The following GLIPR2 variants were observed in gnomAD, a reference collection of about 807,000 sequenced individuals.
GLIPR2 encodes the protein Golgi-associated plant pathogenesis-related protein 1.
In GLIPR2, 21 loss-of-function variants were observed where a neutral mutation model predicts 20.4. The observed-to-expected ratio is 1.03, with a 90% CI of 0.73 to 1.48. The LOEUF (loss-of-function observed/expected upper bound fraction) is 1.48, where lower values mean the gene tolerates loss of function less well. GLIPR2 is among the 40% of genes most tolerant of loss of function. GLIPR2 has a pLI of 0.00. For synonymous variants in GLIPR2, 91 were observed against 80.5 expected (o/e 1.13, Z -0.70); for missense variants, 205 against 200.1 (o/e 1.02, Z -0.15).
At chr9:36,141,879 G>A (rs1825103687) in intron 1 of GLIPR2, 1 of 455,288 alleles carries the variant, frequency 2.2e-6, no homozygotes, top group East Asian at 7.0e-5. Context: ...TAGAGGCCTG[G>A]CCTCCAGAAG....
At chr9:36,160,593 AG>A (rs1250345821) in intron 4 of GLIPR2, among the ~76,000 whole-genome samples, 1 of 152,176 alleles carries the variant, frequency 6.6e-6, no homozygotes, top group African/African-American at 2.4e-5. Context: ...AAAATGTGCA[AG>A]GGTTCTGAGG....
intron 4 of GLIPR2, among the ~76,000 whole-genome samples, chr9:36,154,108 C>G (rs2094455): frequency 0.25 from 36,406 of 144,432 alleles, 5,353 homozygotes; most frequent in East Asian, 0.49. Flanking sequence ...TTTTCCCCCC[C>G]CCTTTGAGAC....
At chr9:36,150,842 G>A (rs777864341) in intron 3 of GLIPR2, 30 bp from the exon 4 acceptor site, 3 of 1,553,872 alleles carry the variant, frequency 1.9e-6, no homozygotes, top group South Asian at 2.2e-5. Flanking sequence ...TTTTGTGGCT[G>A]AGTTTTAGAA....
intron 4 of GLIPR2, among the ~76,000 whole-genome samples, chr9:36,159,673 A>T (rs1825976970): frequency 6.6e-6 from 1 of 152,150 alleles, no homozygotes; most frequent in Non-Finnish European, 1.5e-5. Context: ...GGTAAATAAA[A>T]GGGTGTTTAC....
intron 4 of GLIPR2, among the ~76,000 whole-genome samples, chr9:36,159,522 G>A (rs1413211784): frequency 6.6e-6 from 1 of 152,130 alleles, no homozygotes; most frequent in Non-Finnish European, 1.5e-5. Context: ...AACAAACTTG[G>A]CCTCTGCCCA....
intron 1 of GLIPR2, chr9:36,144,376 G>T (rs1306729638): frequency 6.6e-6 from 1 of 152,146 alleles, no homozygotes; most frequent in Non-Finnish European, 1.5e-5. Flanking sequence ...ACATTGCTAT[G>T]CAACAGAGCT....
At chr9:36,154,262 G>A (rs919407743) in intron 4 of GLIPR2, among the ~76,000 whole-genome samples, 7 of 151,984 alleles carry the variant, frequency 4.6e-5, no homozygotes, top group East Asian at 1.9e-4. Flanking sequence ...GAGAGCTATC[G>A]AAGGTGAAAA....
chr9:36,157,421 A>C (rs2132779956), intron 4 of GLIPR2, among the ~76,000 whole-genome samples: 1 of 150,502 alleles, frequency 6.6e-6, no homozygotes, highest in African/African-American at 2.4e-5. Context: ...GTCTTGGCTC[A>C]CTGCAACCTC....
chr9:36,145,606 G>A (rs1480187793), intron 1 of GLIPR2, among the ~76,000 whole-genome samples: 1 of 152,212 alleles, frequency 6.6e-6, no homozygotes, highest in Non-Finnish European at 1.5e-5. Flanking sequence ...CTGGATGGAT[G>A]AGTAATGTTA....
chr9:36,160,415 C>A (rs564536731), intron 4 of GLIPR2, among the ~76,000 whole-genome samples: 1 of 152,144 alleles, frequency 6.6e-6, no homozygotes, highest in South Asian at 2.1e-4. Flanking sequence ...GTCTCCTGAG[C>A]CCTGGAGGTG....
intron 4 of GLIPR2, among the ~76,000 whole-genome samples, chr9:36,151,956 A>G (rs138397232): frequency 2.4e-4 from 36 of 152,206 alleles, no homozygotes; most frequent in African/African-American, 7.9e-4. Flanking sequence ...TTCCACCCAC[A>G]AGTAGAGCCT....
intron 1 of GLIPR2, among the ~76,000 whole-genome samples, chr9:36,138,957 G>T (rs757448416): frequency 1.3e-5 from 2 of 152,142 alleles, no homozygotes; most frequent in African/African-American, 2.4e-5. Flanking sequence ...AGCGTAACTA[G>T]AGCGTTGCCA....
At chr9:36,140,716 A>G (rs1194949732) in intron 1 of GLIPR2, among the ~76,000 whole-genome samples, 2 of 152,132 alleles carry the variant, frequency 1.3e-5, no homozygotes, top group Non-Finnish European at 2.9e-5. Flanking sequence ...CGTAAAGTGG[A>G]AAGTGTGGGA....
At chr9:36,147,934 G>A in intron 2 of GLIPR2, 40 bp downstream of exon 2, 1 of 915,224 alleles carries the variant, frequency 1.1e-6, no homozygotes, top group Non-Finnish European at 1.8e-6. Flanking sequence ...GGCCCTTCAT[G>A]TGCTGCTACT....
intron 4 of GLIPR2, among the ~76,000 whole-genome samples, chr9:36,161,401 G>A (rs1826046463): frequency 1.3e-5 from 2 of 151,902 alleles, no homozygotes; most frequent in African/African-American, 4.8e-5. Context: ...ATGTGGAAAT[G>A]TCCAGTAATT....
chr9:36,161,530 G>T (rs1465686049), intron 4 of GLIPR2, among the ~76,000 whole-genome samples: 2 of 149,746 alleles, frequency 1.3e-5, no homozygotes, highest in Non-Finnish European at 3.0e-5. Flanking sequence ...CCAGGATTGA[G>T]CCCTGGGAAG....
chr9:36,140,833 C>T (rs572060586), intron 1 of GLIPR2, among the ~76,000 whole-genome samples: 1 of 152,178 alleles, frequency 6.6e-6, no homozygotes, highest in Non-Finnish European at 1.5e-5. Flanking sequence ...CATCCAAACA[C>T]CCCAGTTTCC....
At chr9:36,144,517 C>T (rs1825241305) in intron 1 of GLIPR2, 1 of 152,210 alleles carries the variant, frequency 6.6e-6, no homozygotes, top group South Asian at 2.1e-4. Context: ...GTCTGTTGGC[C>T]AGGAAGTCCC....
At chr9:36,141,739 G>A (rs907336487) in intron 1 of GLIPR2, 5 of 437,574 alleles carry the variant, frequency 1.1e-5, no homozygotes, top group South Asian at 4.9e-5. Context: ...CTGCAGCCTC[G>A]ATCTCCTGGG....
Sources: allele counts gnomAD v4.1 joint callset (sites outside exome capture counted in the v4.1 genomes callset), GRCh38; gene constraint gnomAD v4.1.1; transcripts MANE v1.5; gene names NCBI Gene and HGNC (gene_info 2026-07-23, HGNC 2026-07-21).